The following PHF3 variants were observed in gnomAD, a reference collection of about 807,000 sequenced individuals.
PHF3 encodes the protein PHD finger protein 3.
Under a neutral mutation model 178.4 loss-of-function variants are expected in PHF3, and 41 were observed. That is an observed-to-expected ratio of 0.23 (90% CI 0.18 to 0.30). The LOEUF is 0.30. PHF3 is among the 10% of genes least tolerant of loss of function. PHF3 has a pLI of 1.00. For missense variants in PHF3, 2,346 were observed against 2,398.1 expected (o/e 0.98, Z 0.45); for synonymous variants, 842 against 800.5 (o/e 1.05, Z -0.88).
intron 4 of PHF3, among the ~76,000 whole-genome samples, chr6:63,690,206 T>C (rs1766935404): frequency 1.3e-5 from 2 of 152,148 alleles, no homozygotes; most frequent in Middle Eastern, 3.2e-3. Flanking sequence ...TGTTCGAAAG[T>C]TTTCTTGCTT....
rs766477531 is a variant in PHF3 at position 63,698,554 on chromosome 6, T to C, written c.2931T>C (p.Tyr977=). The C allele has an allele frequency of 1.1e-5, 18 of 1,591,532 alleles. No individual in the cohort carries two copies. The highest frequency in any genetic ancestry group is 2.3e-5 in the South Asian group (2 of 86,204). ...FSFFRDTDAK[Y]KNKYRSLMFN... is the part of the protein sequence containing the mutation. ...TTTTTCGGGACACAGATGCTAAATA[T>C]AAGAACAAATATAGAAGTTTGATGT... Residue 977 remains tyrosine (Y), a synonymous_variant, in exon 8 of 16, where the codon TAT becomes TAC. Coordinates refer to ENST00000262043, the MANE Select transcript of PHF3 (RefSeq NM_001370348.2).
intron 2 of PHF3, among the ~76,000 whole-genome samples, chr6:63,664,000 A>G (rs1324388597): frequency 1.3e-5 from 2 of 152,114 alleles, no homozygotes; most frequent in Non-Finnish European, 2.9e-5. Flanking sequence ...ATCTATCAGT[A>G]AGGTAGATTG....
chr6:63,721,900 A>G lies in PHF3; in HGVS notation c.*8192A>G, dbSNP rs1444808056. The G allele has an allele frequency of 1.5e-5, 16 of 1,035,826 alleles. No individual in the cohort carries two copies. The highest frequency in any genetic ancestry group is 8.3e-6 in the Non-Finnish European group (6 of 726,686). 64.2% of individuals were successfully genotyped at this position (1,035,826 alleles called of 1,614,324 possible). On this transcript the variant is annotated 3_prime_UTR_variant, in exon 16 of 16. Coordinates refer to ENST00000262043, the MANE Select transcript of PHF3 (RefSeq NM_001370348.2). ...TTGGATAAGTTTTAGTTATGGGGAAAAAAGTAACAGATCTTGAGCACAATT... is the reference window on the plus strand; with the variant it reads ...TTGGATAAGTTTTAGTTATGGGGAAGAAAGTAACAGATCTTGAGCACAATT...
In PHF3 at chr6:63,691,734, C is replaced by A; in HGVS notation, c.2190-3C>A. Reference sequence around the variant, plus strand: ...AAAAGTTTTTTGGTGTTCTGTTTTCCAGGTTTATGGTTGGCTGTGGGAGAT... The same window carrying A: ...AAAAGTTTTTTGGTGTTCTGTTTTCAAGGTTTATGGTTGGCTGTGGGAGAT... On this transcript the variant is annotated splice_region_variant and splice_polypyrimidine_tract_variant and intron_variant, in intron 4 of 15. Coordinates refer to ENST00000262043, the MANE Select transcript of PHF3 (RefSeq NM_001370348.2). The A allele has an allele frequency of 2.6e-6, 4 of 1,546,770 alleles. No homozygotes were observed. Among genetic ancestry groups the A allele is most frequent in the South Asian group, 1.2e-5 (1 of 81,220 alleles).
At chr6:63,637,310 T>A (rs1041229799) in intron 1 of PHF3, among the ~76,000 whole-genome samples, 10 of 152,196 alleles carry the variant, frequency 6.6e-5, no homozygotes, top group African/African-American at 2.4e-4. Flanking sequence ...AAAATGATTG[T>A]TAAAGGCCTA....
chr6:63,685,275 A>G lies in PHF3; in HGVS notation c.1553A>G (p.His518Arg), dbSNP rs1458719065. The part of the protein sequence containing the change: ...KIVAAKYEVI[H>R]SKTKVNVKSV... ...GTTGCAGCAAAGTATGAAGTAATACATAGCAAAACTAAAGTTAATGTCAAA... is the reference window on the plus strand; with the variant it reads ...GTTGCAGCAAAGTATGAAGTAATACGTAGCAAAACTAAAGTTAATGTCAAA... The change falls in exon 4 of 16, where the codon CAT becomes CGT. Residue 518 changes from histidine (H) to arginine (R), a missense_variant. Coordinates refer to ENST00000262043, the MANE Select transcript of PHF3 (RefSeq NM_001370348.2). 5.0e-6 allele frequency: 8 copies of G among 1,614,026 alleles called. No homozygotes were observed. Among genetic ancestry groups the G allele is most frequent in the African/African-American group, 2.7e-5 (2 of 74,936 alleles).
chr6:63,700,391 T>A lies in PHF3; in HGVS notation c.3024T>A (p.Asp1008Glu). ...TACTGAAAGGAGAAGTAACTCCTGA[T>A]CATCTTATCAGAATGAGTCCAGAAG... ...KKVLKGEVTP[D>E]HLIRMSPEEL... Residue 1008 changes from aspartate to glutamate, a missense_variant, in exon 9 of 16, where the codon GAT becomes GAA. By Grantham distance (45) the Asp-to-Glu change is conservative (BLOSUM62 2). Around this residue, in one of 8 missense-constraint regions of PHF3, gnomAD observed 45 missense variants for 87.9 expected, o/e 0.51. Transcript: ENST00000262043. 6.3e-7 allele frequency: 1 copy of A among 1,598,550 alleles called. No homozygotes were observed. The highest frequency in any genetic ancestry group is 8.6e-7 in the Non-Finnish European group (1 of 1,168,686).
At chr6:63,679,261 A>G (rs1262099713) in intron 2 of PHF3, among the ~76,000 whole-genome samples, 1 of 152,136 alleles carries the variant, frequency 6.6e-6, no homozygotes, top group East Asian at 1.9e-4. Context: ...ACCTAATGAC[A>G]ATATGAGTAC....
Position 63,712,283 on chromosome 6 carries a change from A to G in PHF3, c.4695A>G (p.Pro1565=), listed in dbSNP as rs1457597159. ...GTCTTAGTCTCAGAGGTAAGCCACC[A>G]GATGTTTCTACAGAAGCATTTTTAA... ...LTSLSLRGKP[P]DVSTEAFLTN... Residue 1565 remains proline, a synonymous_variant, in exon 16 of 16, where the codon CCA becomes CCG. Coordinates refer to ENST00000262043, the MANE Select transcript of PHF3 (RefSeq NM_001370348.2). The G allele has an allele frequency of 6.2e-7, 1 of 1,613,854 alleles. No individual in the cohort carries two copies. Among genetic ancestry groups the G allele is most frequent in the Admixed American group, 1.7e-5 (1 of 59,950 alleles).
intron 2 of PHF3, among the ~76,000 whole-genome samples, chr6:63,648,186 G>T (rs1764870633): frequency 6.6e-6 from 1 of 151,922 alleles, no homozygotes; most frequent in South Asian, 2.1e-4. Context: ...TATTACTTAG[G>T]TTTACATTGT....
Position 63,723,404 on chromosome 6 carries a change from A to G in PHF3, c.*9696A>G, listed in dbSNP as rs972506627. Among the ~76,000 whole-genome samples the G allele has an allele frequency of 6.6e-6, 1 of 152,208 alleles. No individual in the cohort carries two copies. The highest frequency in any genetic ancestry group is 1.5e-5 in the Non-Finnish European group (1 of 68,030). On this transcript the variant is annotated 3_prime_UTR_variant, in exon 16 of 16. Coordinates refer to ENST00000262043, the MANE Select transcript of PHF3 (RefSeq NM_001370348.2). ...ACCTAAATATACTTTGTGGCCTGCA[A>G]GTGAACACAAACCAGTTATCTTTTG...
At chr6:63,703,489 G>T (rs1287410408) in intron 10 of PHF3, 47 bp from the exon 11 acceptor site, 5 of 1,566,578 alleles carry the variant, frequency 3.2e-6, no homozygotes, top group African/African-American at 1.4e-5. Flanking sequence ...GATAATTGAG[G>T]CCAAATTTTA....
Position 63,684,489 on chromosome 6 carries a change from C to T in PHF3, c.767C>T (p.Ser256Leu). Residue 256 changes from serine to leucine, a missense_variant, in exon 4 of 16, where the codon TCA (serine) becomes TTA (leucine). Physicochemically the swap from Ser to Leu is moderately radical, Grantham distance 145. This residue lies in a region of PHF3 where 843 missense variants were observed against 795.2 expected (regional missense o/e 1.06). Transcript: ENST00000262043. ...IDVPSHELNC[S>L]LLSETCVTIG... The stretch of plus-strand genomic sequence containing the variant: ...GTGCCATCTCATGAATTAAATTGTT[C>T]ACTTCTTTCAGAGACTTGTGTTACT... The T allele has an allele frequency of 6.2e-7, 1 of 1,613,632 alleles. No individual in the cohort carries two copies. Among genetic ancestry groups the T allele is most frequent in the African/African-American group, 1.3e-5 (1 of 75,016 alleles).
chr6:63,693,989 A>G (rs1767120590), intron 5 of PHF3, among the ~76,000 whole-genome samples: 1 of 152,252 alleles, frequency 6.6e-6, no homozygotes, highest in African/African-American at 2.4e-5. Flanking sequence ...TAGTCTAGAG[A>G]AAAGCACTAT....
chr6:63,704,061 T>C (rs1483961426), intron 11 of PHF3, among the ~76,000 whole-genome samples: 1 of 152,162 alleles, frequency 6.6e-6, no homozygotes, highest in African/African-American at 2.4e-5. Context: ...GAAACTGAAA[T>C]TACTTTTTTG....
chr6:63,724,008 T>A lies in PHF3; in HGVS notation c.*10300T>A, dbSNP rs1478422486. On this transcript the variant is annotated 3_prime_UTR_variant, in exon 16 of 16. Transcript: ENST00000262043. Reference sequence around the variant, plus strand: ...TTTTGGGTAGAGCGAGGTTTTACCATGTTGGCCAGGCTGGTCTTGACCTCC... The same window carrying A: ...TTTTGGGTAGAGCGAGGTTTTACCAAGTTGGCCAGGCTGGTCTTGACCTCC... 6.6e-6 allele frequency among the ~76,000 whole-genome samples: 1 copy of A among 151,998 alleles called. No homozygotes were observed. Among genetic ancestry groups the A allele is most frequent in the Non-Finnish European group, 1.5e-5 (1 of 68,004 alleles).
chr6:63,711,069 A>T, intron 14 of PHF3, 98 bp from the exon 15 acceptor site: 1 of 789,858 alleles, frequency 1.3e-6, no homozygotes, highest in Non-Finnish European at 1.9e-6. Context: ...CCATCATTAT[A>T]AAGTTCAATA....
chr6:63,666,236 A>G (rs1057316929), intron 2 of PHF3, among the ~76,000 whole-genome samples: 1 of 152,160 alleles, frequency 6.6e-6, no homozygotes, highest in African/African-American at 2.4e-5. Context: ...TCTCCATTAA[A>G]GAGCTTTGCT....
At chr6:63,697,190 C>T (rs1055746140) in intron 6 of PHF3, among the ~76,000 whole-genome samples, 1 of 152,018 alleles carries the variant, frequency 6.6e-6, no homozygotes, top group African/African-American at 2.4e-5. Flanking sequence ...AGGTAAAGCT[C>T]ATCCATTGGA....
Sources: gnomAD v4.1 joint callset for allele counts (sites outside exome capture counted in the v4.1 genomes callset) on GRCh38, gnomAD v4.1.1 for gene constraint, gnomAD v4.1.1 regional missense constraint, MANE v1.5 for transcripts, NCBI Gene and HGNC (gene_info 2026-07-23, HGNC 2026-07-21) for gene names.